Variants in FAM168A observed in about 807,000 individuals in gnomAD.
The protein encoded by FAM168A is family with sequence similarity 168 member A.
FAM168A carries 3 observed loss-of-function variants against 28.5 expected under a neutral mutation model. The observed-to-expected ratio is 0.11, with a 90% CI of 0.05 to 0.27. FAM168A has a LOEUF of 0.27. Among genes scored for constraint, FAM168A ranks in the 10% least tolerant of loss-of-function variants. The pLI is 1.00. For missense variants in FAM168A, 222 were observed against 311.5 expected, an observed-to-expected ratio of 0.71 and a Z score of 2.16; for synonymous variants, 122 against 124.2, an observed-to-expected ratio of 0.98 and a Z score of 0.12.
At chr11:73,448,972 T>C (rs544330079) in intron 2 of FAM168A, among the ~76,000 whole-genome samples, 2 of 152,232 alleles carry the variant, frequency 1.3e-5, no homozygotes, top group South Asian at 4.1e-4. Flanking sequence ...TCTATCTCTA[T>C]CTTTCCTTTC....
chr11:73,536,426 G>A (rs1590840023), intron 1 of FAM168A, among the ~76,000 whole-genome samples: 1 of 152,260 alleles, frequency 6.6e-6, no homozygotes, highest in African/African-American at 2.4e-5. Context: ...GGTAGATCAC[G>A]CCTGTAATCC....
chr11:73,591,195 T>C (rs1944377544), intron 1 of FAM168A, among the ~76,000 whole-genome samples: 1 of 152,114 alleles, frequency 6.6e-6, no homozygotes, highest in African/African-American at 2.4e-5. Context: ...GGAAGATTTA[T>C]ATGCAGTACA....
intron 1 of FAM168A, among the ~76,000 whole-genome samples, chr11:73,517,686 A>C (rs546899448): frequency 6.6e-6 from 1 of 152,302 alleles, no homozygotes; most frequent in Admixed American, 6.5e-5. Context: ...CTTTTATACT[A>C]TACAACCTTG....
At chr11:73,460,499 C>CTTTT (rs547956382) in intron 2 of FAM168A, among the ~76,000 whole-genome samples, 24 of 112,808 alleles carry the variant, frequency 2.1e-4, no homozygotes, top group Non-Finnish European at 3.4e-4. Context: ...GCTACTAATG[C>CTTTT]TTTTTTTTTT....
At chr11:73,579,139 C>G (rs977114487) in intron 1 of FAM168A, among the ~76,000 whole-genome samples, 1 of 152,074 alleles carries the variant, frequency 6.6e-6, no homozygotes, top group Non-Finnish European at 1.5e-5. Context: ...GAGCTCCATC[C>G]TAATGACCTA....
At chr11:73,429,380 T>C (rs748704119) in intron 3 of FAM168A, among the ~76,000 whole-genome samples, 2 of 152,216 alleles carry the variant, frequency 1.3e-5, no homozygotes, top group Non-Finnish European at 2.9e-5. Flanking sequence ...GGACGATCTC[T>C]AAGGTCTTTT....
chr11:73,506,087 C>A (rs1220451152), intron 1 of FAM168A, among the ~76,000 whole-genome samples: 7 of 152,194 alleles, frequency 4.6e-5, no homozygotes, highest in African/African-American at 1.7e-4. Flanking sequence ...AGAAGTTCCA[C>A]ACCAGGACCT....
intron 2 of FAM168A, among the ~76,000 whole-genome samples, chr11:73,442,955 GATAT>G (rs58430278): frequency 0.018 from 730 of 40,166 alleles, 14 homozygotes; most frequent in Middle Eastern, 0.023. Context: ...ATATACAAAG[GATAT>G]ATATATATAT....
chr11:73,533,585 C>T (rs1943542015), intron 1 of FAM168A, among the ~76,000 whole-genome samples: 1 of 151,754 alleles, frequency 6.6e-6, no homozygotes, highest in Non-Finnish European at 1.5e-5. Flanking sequence ...AAATTCAAAA[C>T]AACCACAAAA....
intron 3 of FAM168A, chr11:73,420,827 C>G (rs1029679895): frequency 6.6e-6 from 1 of 152,496 alleles, no homozygotes; most frequent in East Asian, 1.9e-4. Flanking sequence ...AAGCTCAGCT[C>G]GAGACATCTG....
chr11:73,531,297 G>C (rs1204030871), intron 1 of FAM168A, among the ~76,000 whole-genome samples: 1 of 152,134 alleles, frequency 6.6e-6, no homozygotes. Context: ...GGCATAACCA[G>C]AAATATCACT....
intron 1 of FAM168A, among the ~76,000 whole-genome samples, chr11:73,498,197 C>T (rs1040116603): frequency 2.0e-5 from 3 of 152,106 alleles, no homozygotes; most frequent in Non-Finnish European, 4.4e-5. Flanking sequence ...GTGAATCCTT[C>T]GCCGGCCACC....
intron 1 of FAM168A, among the ~76,000 whole-genome samples, chr11:73,509,636 T>C (rs1011744303): frequency 1.3e-5 from 2 of 152,186 alleles, no homozygotes; most frequent in African/African-American, 4.8e-5. Context: ...ACTAACTTTA[T>C]AGAGGGATCA....
rs1555014482 is a variant in FAM168A at position 73,401,104 on chromosome 11, A to ATTATTATTATTATT, written c.*5658_*5659insAATAATAATAATAA. 2 of 149,210 alleles carry ATTATTATTATTATT rather than the reference A, an allele frequency of 1.3e-5. No individual in the cohort carries two copies. The highest frequency in any genetic ancestry group is 4.9e-5 in the African/African-American group (2 of 40,932). The allele number at this position is 149,210 out of a possible 1,614,324, so 9.2% of individuals were successfully genotyped here. ...GTTTATTATTATTATTATTATTATT[A>ATTATTATTATTATT]TTATTATTTTAAATTTTATTTCTTT... On this transcript the variant is annotated 3_prime_UTR_variant, in exon 8 of 8. Transcript: ENST00000356467.
chr11:73,521,907 A>G (rs1238074336), intron 1 of FAM168A, among the ~76,000 whole-genome samples: 1 of 152,194 alleles, frequency 6.6e-6, no homozygotes, highest in Non-Finnish European at 1.5e-5. Context: ...AACCCAAAAG[A>G]CTACATGAGG....
chr11:73,467,881 G>A (rs1412595643), intron 2 of FAM168A, among the ~76,000 whole-genome samples: 2 of 152,184 alleles, frequency 1.3e-5, no homozygotes, highest in African/African-American at 4.8e-5. Flanking sequence ...AATATTTACT[G>A]TTAATTTAAG....
intron 3 of FAM168A, among the ~76,000 whole-genome samples, chr11:73,429,494 C>T (rs1290233403): frequency 6.6e-6 from 1 of 152,208 alleles, no homozygotes; most frequent in African/African-American, 2.4e-5. Flanking sequence ...ATCTATAGTT[C>T]AGATTCATCT....
intron 1 of FAM168A, among the ~76,000 whole-genome samples, chr11:73,504,504 C>A (rs1855069584): frequency 6.6e-6 from 1 of 152,192 alleles, no homozygotes; most frequent in East Asian, 1.9e-4. Flanking sequence ...CAGGAAACAA[C>A]AGATGCTGGC....
At chr11:73,418,835 G>A (rs1172153007) in intron 4 of FAM168A, among the ~76,000 whole-genome samples, 3 of 148,752 alleles carry the variant, frequency 2.0e-5, no homozygotes, top group Admixed American at 6.7e-5. Flanking sequence ...TTGAGACGGA[G>A]TCTTGTTCTG....
Sources: allele counts gnomAD v4.1 joint callset (sites outside exome capture counted in the v4.1 genomes callset), GRCh38; gene constraint gnomAD v4.1.1; transcripts MANE v1.5; gene names NCBI Gene and HGNC (gene_info 2026-07-23, HGNC 2026-07-21).